LMAN1L: variants seen among roughly 807,000 people sequenced by gnomAD.
The protein encoded by LMAN1L is protein ERGIC-53-like.
A neutral mutation model predicts 58.3 loss-of-function variants in LMAN1L; 60 were observed. The observed-to-expected ratio is 1.03, with a 90% CI of 0.84 to 1.27. LMAN1L has a LOEUF of 1.27. LMAN1L is among the 50% of genes most tolerant of loss of function. The pLI, the probability that LMAN1L is intolerant of heterozygous loss-of-function variation, is 0.00. For missense variants in LMAN1L, 629 were observed against 674.0 expected (o/e 0.93, Z 0.74); for synonymous variants, 280 against 271.6 (o/e 1.03, Z -0.31).
chr15:74,821,494 A>G (rs2063916409), intron 9 of LMAN1L, among the ~76,000 whole-genome samples: 1 of 152,220 alleles, frequency 6.6e-6, no homozygotes, highest in African/African-American at 2.4e-5. Flanking sequence ...GAAATAGACT[A>G]GGTGCTAATT....
At chr15:74,819,372 AC>A in intron 6 of LMAN1L, 100 bp downstream of exon 6, 1 of 1,448,070 alleles carries the variant, frequency 6.9e-7, no homozygotes, top group Non-Finnish European at 9.3e-7. Flanking sequence ...CAGCCACTTC[AC>A]CACATGACCT....
chr15:74,813,241 C>T, intron 1 of LMAN1L: 2 of 661,486 alleles, frequency 3.0e-6, no homozygotes, highest in Non-Finnish European at 5.5e-6. Flanking sequence ...TGTTTCTCCT[C>T]TGCCTCTCTG....
intron 5 of LMAN1L, 39 bp from the exon 6 acceptor site, chr15:74,819,113 G>T: frequency 6.4e-7 from 1 of 1,568,416 alleles, no homozygotes; most frequent in Admixed American, 1.9e-5. Context: ...TCAGAGGTAG[G>T]GACACCCCCC....
In LMAN1L at chr15:74,821,566, C is replaced by T. The variant is rs542940706; in HGVS notation, c.1060-263C>T. ...CTTAATGCTCAGTTGCACCAGAAGC[C>T]TCATTGCATCTCCATTGCCATCTGG... On this transcript the variant is annotated intron_variant, in intron 9 of 13. Coordinates refer to ENST00000309664, the MANE Select transcript of LMAN1L (RefSeq NM_021819.3). 5.9e-5 allele frequency among the ~76,000 whole-genome samples: 9 copies of T among 152,332 alleles called. No individual in the cohort carries two copies. The South Asian group carries it at 1.7e-3, about 28-fold the overall frequency.
intron 6 of LMAN1L, chr15:74,819,509 G>A: frequency 1.8e-6 from 1 of 548,136 alleles, no homozygotes; most frequent in Non-Finnish European, 3.2e-6. Flanking sequence ...TGAGTTGCGG[G>A]ACAAGTGGAA....
At position 74,823,546 on chromosome 15, in the gene LMAN1L, C is replaced by G. The variant is rs771603140; in HGVS notation, c.1200-13C>G. On this transcript the variant is annotated splice_polypyrimidine_tract_variant and intron_variant, in intron 11 of 13. Coordinates refer to ENST00000309664, the MANE Select transcript of LMAN1L (RefSeq NM_021819.3). ...GTAATGAGTCATCTTACTTGGTTAC[C>G]ACCCCCGGTTAGGGATGCAGCTGTC... The G allele has an allele frequency of 6.2e-7, 1 of 1,613,196 alleles. No homozygotes were observed. Among genetic ancestry groups the G allele is most frequent in the Non-Finnish European group, 8.5e-7 (1 of 1,179,722 alleles).
At chr15:74,821,257 A>G in intron 9 of LMAN1L, 31 bp downstream of exon 9, 3 of 1,545,048 alleles carry the variant, frequency 1.9e-6, no homozygotes, top group Non-Finnish European at 2.6e-6. Flanking sequence ...CCAAGGCTCC[A>G]CCTGCGGGCC....
At chr15:74,821,709 G>A in intron 9 of LMAN1L, 120 bp from the exon 10 acceptor site, 1 of 687,322 alleles carries the variant, frequency 1.5e-6, no homozygotes, top group Non-Finnish European at 2.6e-6. Context: ...GGGCTTTGCT[G>A]GGCTCTGACA....
At chr15:74,822,917 C>A (rs539697812) in intron 11 of LMAN1L, among the ~76,000 whole-genome samples, 1 of 152,328 alleles carries the variant, frequency 6.6e-6, no homozygotes, top group African/African-American at 2.4e-5. Flanking sequence ...AAAAGCAATT[C>A]TCTCCTGGAG....
intron 8 of LMAN1L, 100 bp downstream of exon 8, chr15:74,820,867 C>T: frequency 6.8e-7 from 1 of 1,481,324 alleles, no homozygotes; most frequent in Non-Finnish European, 9.1e-7. Flanking sequence ...AAACTGAGGC[C>T]TGAGGAGGCC....
At chr15:74,821,345 C>T in intron 9 of LMAN1L, 119 bp downstream of exon 9, 1 of 1,228,556 alleles carries the variant, frequency 8.1e-7, no homozygotes, top group Non-Finnish European at 1.1e-6. Flanking sequence ...GGATGAAATG[C>T]TGCAGGTCAC....
chr15:74,816,571 C>T (rs370022093), intron 3 of LMAN1L, 37 bp downstream of exon 3: 10 of 1,584,494 alleles, frequency 6.3e-6, no homozygotes, highest in Middle Eastern at 1.7e-4. Context: ...CCCGCCTGCC[C>T]GCTCACACCC....
intron 13 of LMAN1L, 143 bp from the exon 14 acceptor site, chr15:74,825,333 C>G: frequency 2.4e-6 from 2 of 844,564 alleles, no homozygotes; most frequent in East Asian, 5.0e-5. Flanking sequence ...CCATATGCAG[C>G]GGGCCAAAGG....
rs2063928238 is a variant in LMAN1L, at chr15:74,823,702, C to T, written c.1323+20C>T. On this transcript the variant is annotated intron_variant, in intron 12 of 13. Transcript: ENST00000309664. ...CCGGCGGTGAGGGGAAAGTAGTGGG[C>T]AGCATGGGGTCCCCAACCTTGACGT... 1 of 1,610,160 alleles carries T rather than the reference C, an allele frequency of 6.2e-7. No homozygotes were observed. The highest frequency in any genetic ancestry group is 8.5e-7 in the Non-Finnish European group (1 of 1,179,016).
chr15:74,820,276 G>A (rs1362482209), intron 7 of LMAN1L, 177 bp downstream of exon 7: 7 of 653,210 alleles, frequency 1.1e-5, no homozygotes, highest in East Asian at 2.7e-5. Flanking sequence ...GTGAGGTCTC[G>A]CAGGCTGGCT....
intron 5 of LMAN1L, 52 bp from the exon 6 acceptor site, chr15:74,819,100 G>T (rs369851699): frequency 6.4e-7 from 1 of 1,552,720 alleles, no homozygotes. Flanking sequence ...GGGAGCCAGG[G>T]AGTCAGAGGT....
chr15:74,819,020 C>A, intron 5 of LMAN1L, 132 bp from the exon 6 acceptor site: 1 of 1,150,960 alleles, frequency 8.7e-7, no homozygotes, highest in Non-Finnish European at 1.3e-6. Flanking sequence ...TCACATGAGA[C>A]CAGGAGTGCG....
chr15:74,822,557 G>A (rs1567225325), intron 10 of LMAN1L, 85 bp from the exon 11 acceptor site: 2 of 1,074,072 alleles, frequency 1.9e-6, no homozygotes, highest in Admixed American at 3.8e-5. Context: ...CTGGAAGGAA[G>A]AGGCTGCAGT....
At chr15:74,814,514 C>T (rs1642991387) in intron 1 of LMAN1L, among the ~76,000 whole-genome samples, 1 of 152,020 alleles carries the variant, frequency 6.6e-6, no homozygotes, top group Non-Finnish European at 1.5e-5. Context: ...GCTGGGACTA[C>T]AGGTGCCTGC....
Sources: allele counts gnomAD v4.1 joint callset (sites outside exome capture counted in the v4.1 genomes callset), GRCh38; gene constraint gnomAD v4.1.1; transcripts MANE v1.5; gene names NCBI Gene and HGNC (gene_info 2026-07-23, HGNC 2026-07-21).